LRP1B: variants seen among roughly 807,000 people sequenced by gnomAD.
LRP1B encodes the protein low-density lipoprotein receptor-related protein 1B.
In LRP1B, 217 loss-of-function variants were observed where a neutral mutation model predicts 556.6. That is an observed-to-expected ratio of 0.39 (90% confidence interval 0.35 to 0.44). The LOEUF (loss-of-function observed/expected upper bound fraction) is 0.44, where lower values mean the gene tolerates loss of function less well. Ranked by LOEUF, LRP1B falls within the 20% of genes least tolerant of loss-of-function variation. LRP1B has a pLI of 1.00. For synonymous variants in LRP1B, 2,047 were observed against 1,865.8 expected (o/e 1.10, Z -2.50); for missense variants, 5,053 against 5,620.8 (o/e 0.90, Z 3.23).
At chr2:141,970,254 C>A (rs977075272) in intron 1 of LRP1B, among the ~76,000 whole-genome samples, 1 of 151,520 alleles carries the variant, frequency 6.6e-6, no homozygotes. Context: ...TTATTGTTGA[C>A]ATTTTACATA....
chr2:141,832,243 T>A (rs1697135623), intron 1 of LRP1B, among the ~76,000 whole-genome samples: 1 of 151,282 alleles, frequency 6.6e-6, no homozygotes, highest in Non-Finnish European at 1.5e-5. Flanking sequence ...ACAATTACGG[T>A]TTCTTCAATC....
intron 2 of LRP1B, among the ~76,000 whole-genome samples, chr2:141,582,421 T>C (rs187537203): frequency 2.0e-5 from 3 of 152,348 alleles, no homozygotes; most frequent in African/African-American, 7.2e-5. Flanking sequence ...GTATTACTGA[T>C]AGGCATAGTA....
intron 53 of LRP1B, among the ~76,000 whole-genome samples, chr2:140,506,305 C>A (rs868624264): frequency 1.4e-5 from 2 of 143,488 alleles, no homozygotes; most frequent in Non-Finnish European, 3.1e-5. Context: ...AGTGCAGTGG[C>A]ATGATCTCGG....
At chr2:141,366,892 A>AAC (rs1689059682) in intron 3 of LRP1B, among the ~76,000 whole-genome samples, 2 of 152,224 alleles carry the variant, frequency 1.3e-5, no homozygotes, top group South Asian at 4.1e-4. Context: ...ATCCCATTAC[A>AAC]ACACACATTC....
intron 3 of LRP1B, among the ~76,000 whole-genome samples, chr2:141,459,739 A>G (rs957911906): frequency 3.3e-5 from 5 of 152,166 alleles, no homozygotes; most frequent in Non-Finnish European, 7.4e-5. Flanking sequence ...TGTGACTTTC[A>G]TCTTCTGCCA....
At chr2:141,653,730 C>A (rs1276137901) in intron 2 of LRP1B, among the ~76,000 whole-genome samples, 1 of 152,020 alleles carries the variant, frequency 6.6e-6, no homozygotes, top group Non-Finnish European at 1.5e-5. Flanking sequence ...GCCTAAGCAA[C>A]CTGAGTATAT....
chr2:140,596,592 G>A (rs554924669), intron 43 of LRP1B, among the ~76,000 whole-genome samples: 57 of 152,312 alleles, frequency 3.7e-4, no homozygotes, highest in African/African-American at 1.3e-3. Context: ...TTAAAGATAT[G>A]TGAGGAAGAA....
At chr2:141,852,328 C>G (rs1697893892) in intron 1 of LRP1B, among the ~76,000 whole-genome samples, 1 of 151,580 alleles carries the variant, frequency 6.6e-6, no homozygotes, top group Admixed American at 6.6e-5. Flanking sequence ...GAATATTATT[C>G]AAATATATAG....
At chr2:141,598,455 G>A (rs565981139) in intron 2 of LRP1B, among the ~76,000 whole-genome samples, 7 of 152,214 alleles carry the variant, frequency 4.6e-5, no homozygotes, top group African/African-American at 1.7e-4. Flanking sequence ...ATAGTTTAAA[G>A]AGCTCTTCAC....
chr2:141,147,031 T>C lies in LRP1B; in HGVS notation c.1013+41390A>G, dbSNP rs147194907. 3.3e-3 allele frequency among the ~76,000 whole-genome samples: 506 copies of C among 152,308 alleles called. 1 individual carries two copies. Among genetic ancestry groups the C allele is most frequent in the Non-Finnish European group, 5.7e-3 (386 of 68,024 alleles). ...TCTGGTTAAATTCAGCCAGTGAAGATCAAGAGTGATCAGAGGACTGAAAGA... is the reference window on the plus strand; with the variant it reads ...TCTGGTTAAATTCAGCCAGTGAAGACCAAGAGTGATCAGAGGACTGAAAGA... On this transcript the variant is annotated intron_variant, in intron 7 of 90. Coordinates refer to ENST00000389484, the MANE Select transcript of LRP1B (RefSeq NM_018557.3).
At chr2:141,114,422 T>C (rs1239843092) in intron 7 of LRP1B, among the ~76,000 whole-genome samples, 2 of 152,110 alleles carry the variant, frequency 1.3e-5, no homozygotes, top group East Asian at 3.9e-4. Context: ...TGGAGGTGGC[T>C]GTCAGTGGGG....
intron 3 of LRP1B, among the ~76,000 whole-genome samples, chr2:141,350,172 G>A (rs1164330927): frequency 6.6e-6 from 1 of 152,056 alleles, no homozygotes; most frequent in Non-Finnish European, 1.5e-5. Context: ...CCCACAACAT[G>A]TGGGAAATCA....
intron 1 of LRP1B, among the ~76,000 whole-genome samples, chr2:141,875,753 C>T (rs1444618996): frequency 1.3e-5 from 2 of 151,884 alleles, no homozygotes; most frequent in Non-Finnish European, 2.9e-5. Context: ...CTGGTTAATT[C>T]ATTTCTAAAA....
chr2:140,826,991 G>C (rs146020876), intron 31 of LRP1B, among the ~76,000 whole-genome samples: 3 of 152,118 alleles, frequency 2.0e-5, no homozygotes, highest in African/African-American at 7.2e-5. Flanking sequence ...AGGTATCCTC[G>C]TTAGGAACCC....
rs149141925 is a variant in LRP1B, at chr2:141,422,413, G to A, written c.343+57983C>T. ...TCAAAATTTTTAAGAATGTTGTCTT[G>A]GATGTTTTTCTGTCTTTAAATCTAT... On this transcript the variant is annotated intron_variant, in intron 3 of 90. Coordinates refer to ENST00000389484, the MANE Select transcript of LRP1B (RefSeq NM_018557.3). Among the ~76,000 whole-genome samples the A allele has an allele frequency of 2.6e-5, 4 of 152,108 alleles. No homozygotes were observed. In the East Asian group the frequency reaches 7.7e-4, roughly 29 times the overall value.
chr2:141,184,930 T>C (rs1681175361), intron 7 of LRP1B, among the ~76,000 whole-genome samples: 2 of 152,012 alleles, frequency 1.3e-5, no homozygotes, highest in African/African-American at 4.8e-5. Context: ...ATTTAATCTG[T>C]ATGAAATAGA....
intron 4 of LRP1B, among the ~76,000 whole-genome samples, chr2:141,248,109 C>T (rs1684134523): frequency 6.6e-6 from 1 of 152,082 alleles, no homozygotes; most frequent in African/African-American, 2.4e-5. Flanking sequence ...TATTCCTCTA[C>T]CCCTTCATTC....
intron 11 of LRP1B, among the ~76,000 whole-genome samples, chr2:141,039,186 T>G (rs1326805524): frequency 6.6e-6 from 1 of 152,090 alleles, no homozygotes; most frequent in Non-Finnish European, 1.5e-5. Flanking sequence ...GTTACCTATC[T>G]GTTATTCACT....
At chr2:141,091,707 T>C (rs1700176060) in intron 7 of LRP1B, among the ~76,000 whole-genome samples, 1 of 152,092 alleles carries the variant, frequency 6.6e-6, no homozygotes, top group Admixed American at 6.6e-5. Context: ...AATAAGGAAG[T>C]TGGAAAATGA....
Sources: gnomAD v4.1 joint callset for allele counts (sites outside exome capture counted in the v4.1 genomes callset) on GRCh38, gnomAD v4.1.1 for gene constraint, MANE v1.5 for transcripts, NCBI Gene and HGNC (gene_info 2026-07-23, HGNC 2026-07-21) for gene names.